The following EYS variants were observed in gnomAD, a reference collection of about 807,000 sequenced individuals.
The protein encoded by EYS is protein eyes shut homolog.
In EYS, 250 loss-of-function variants were observed where a neutral mutation model predicts 282.1. The observed-to-expected ratio is 0.89, with a 90% CI of 0.80 to 0.98. The LOEUF (loss-of-function observed/expected upper bound fraction) is 0.98. EYS is among the 50% of genes least tolerant of loss of function. The pLI, the probability that EYS is intolerant of heterozygous loss-of-function variation, is 0.00. For synonymous variants in EYS, 1,355 were observed against 1,282.9 expected (o/e 1.06, Z -1.20); for missense variants, 4,016 against 3,709.0 (o/e 1.08, Z -2.15).
chr6:65,679,638 TAAC>T lies in EYS; in HGVS notation c.-448+27494_-448+27496del, dbSNP rs1224700147. ...TTTTCTACAATAAAGTATATATAGT[TAAC>T]AACACTGTACTGTATAACTAAAAAA... On this transcript the variant is annotated intron_variant, in intron 1 of 42. Transcript: ENST00000503581. 2.0e-5 allele frequency among the ~76,000 whole-genome samples: 3 copies of T among 152,024 alleles called. No individual in the cohort carries two copies. The East Asian group carries it at 5.8e-4, about 29-fold the overall frequency.
At chr6:64,687,141 A>C (rs1031249871) in intron 22 of EYS, among the ~76,000 whole-genome samples, 1 of 151,806 alleles carries the variant, frequency 6.6e-6, no homozygotes, top group Non-Finnish European at 1.5e-5. Flanking sequence ...CTAATTCTAC[A>C]TAAACTCTCT....
chr6:65,124,928 T>C (rs1435487986), intron 12 of EYS, among the ~76,000 whole-genome samples: 1 of 152,188 alleles, frequency 6.6e-6, no homozygotes, highest in African/African-American at 2.4e-5. Flanking sequence ...GGAGGGTAAA[T>C]TGCCTTTTCT....
At chr6:63,926,806 A>G (rs1416922470) in intron 35 of EYS, among the ~76,000 whole-genome samples, 1 of 152,230 alleles carries the variant, frequency 6.6e-6, no homozygotes, top group Admixed American at 6.5e-5. Context: ...TATTGCTGTC[A>G]TTACTATTAC....
chr6:65,461,758 G>T (rs1204606226), intron 5 of EYS, among the ~76,000 whole-genome samples: 1 of 151,636 alleles, frequency 6.6e-6, no homozygotes, highest in Admixed American at 6.6e-5. Flanking sequence ...ACAATTATTA[G>T]AATAACTAAA....
At chr6:65,104,357 C>A (rs929691387) in intron 12 of EYS, among the ~76,000 whole-genome samples, 12 of 151,364 alleles carry the variant, frequency 7.9e-5, no homozygotes, top group Non-Finnish European at 1.6e-4. Flanking sequence ...CAATTACTGA[C>A]ACATTTTAAT....
chr6:63,974,054 T>G (rs1392073756), intron 35 of EYS, among the ~76,000 whole-genome samples: 1 of 152,150 alleles, frequency 6.6e-6, no homozygotes, highest in African/African-American at 2.4e-5. Flanking sequence ...ACTTGTTTTT[T>G]AAGAATATTG....
At chr6:63,822,985 A>T (rs1420836674) in intron 36 of EYS, among the ~76,000 whole-genome samples, 1 of 152,084 alleles carries the variant, frequency 6.6e-6, no homozygotes, top group East Asian at 1.9e-4. Context: ...ATTTGATTGG[A>T]TGTCTTATTT....
At chr6:64,192,338 A>G (rs1765141021) in intron 31 of EYS, among the ~76,000 whole-genome samples, 1 of 151,912 alleles carries the variant, frequency 6.6e-6, no homozygotes, top group South Asian at 2.1e-4. Context: ...GTTTAATTAG[A>G]TCCCATTTGT....
intron 12 of EYS, among the ~76,000 whole-genome samples, chr6:65,295,017 G>A (rs2150285671): frequency 6.6e-6 from 1 of 151,802 alleles, no homozygotes; most frequent in African/African-American, 2.4e-5. Context: ...TCTTTAAATT[G>A]CTTCCAAAAC....
chr6:65,574,593 A>G (rs937612841), intron 2 of EYS, among the ~76,000 whole-genome samples: 2 of 152,340 alleles, frequency 1.3e-5, no homozygotes, highest in East Asian at 1.9e-4. Flanking sequence ...TTGTAAACAT[A>G]TATAACCAAC....
intron 22 of EYS, among the ~76,000 whole-genome samples, chr6:64,627,890 G>A (rs965542704): frequency 2.6e-5 from 4 of 152,130 alleles, no homozygotes; most frequent in South Asian, 2.1e-4. Context: ...CCATCCTGGC[G>A]AACACGGTGA....
chr6:63,897,716 T>C (rs1773568381), intron 35 of EYS, among the ~76,000 whole-genome samples: 1 of 152,246 alleles, frequency 6.6e-6, no homozygotes, highest in Non-Finnish European at 1.5e-5. Context: ...GTCCTTACTG[T>C]GTTTCTGCAC....
At chr6:64,102,016 A>T (rs1383138099) in intron 31 of EYS, among the ~76,000 whole-genome samples, 1 of 152,000 alleles carries the variant, frequency 6.6e-6, no homozygotes, top group Non-Finnish European at 1.5e-5. Flanking sequence ...AATGAGAGTG[A>T]TGGGGAGTGG....
chr6:65,520,830 T>C (rs894376411), intron 2 of EYS, among the ~76,000 whole-genome samples: 4 of 152,122 alleles, frequency 2.6e-5, no homozygotes, highest in Admixed American at 6.5e-5. Flanking sequence ...ACATAAATCA[T>C]GGATTTTACA....
chr6:64,590,634 C>A lies in EYS; in HGVS notation c.5233G>T (p.Asp1745Tyr). ...FKLHPSDSSL[D>Y]FELNLQIYPD... is the part of the protein sequence containing the mutation. ...TAAATTTGTAAGTTTAACTCAAAAT[C>A]CAGAGAACTATCACTTGGGTGAAGT... Residue 1745 changes from aspartate to tyrosine, a missense_variant, in exon 26 of 43, where the codon GAT becomes TAT. Coordinates refer to ENST00000503581, the MANE Select transcript of EYS (RefSeq NM_001142800.2). The A allele has an allele frequency of 6.4e-7, 1 of 1,551,216 alleles. No homozygotes were observed. Among genetic ancestry groups the A allele is most frequent in the South Asian group, 1.2e-5 (1 of 84,056 alleles).
At chr6:64,918,491 T>C (rs1232737427) in intron 15 of EYS, among the ~76,000 whole-genome samples, 47 of 152,172 alleles carry the variant, frequency 3.1e-4, no homozygotes, top group Admixed American at 2.6e-3. Flanking sequence ...GGGAGTAACA[T>C]TGATTGTTAT....
intron 33 of EYS, among the ~76,000 whole-genome samples, chr6:64,028,859 A>G (rs1769670504): frequency 1.3e-5 from 2 of 152,212 alleles, no homozygotes; most frequent in Non-Finnish European, 2.9e-5. Context: ...TGTCTAGGTC[A>G]AAGGCCCAGC....
At chr6:65,372,883 C>G (rs913528470) in intron 8 of EYS, among the ~76,000 whole-genome samples, 3 of 151,772 alleles carry the variant, frequency 2.0e-5, no homozygotes, top group Non-Finnish European at 4.4e-5. Flanking sequence ...TATTTTCCAG[C>G]CTATTTTATT....
chr6:63,822,699 A>G (rs1296066983), intron 36 of EYS: 1 of 152,240 alleles, frequency 6.6e-6, no homozygotes, highest in Non-Finnish European at 1.5e-5. Context: ...ACCAACAAAA[A>G]TAGATTTGTA....
Sources: gnomAD v4.1 joint callset for allele counts (sites outside exome capture counted in the v4.1 genomes callset) on GRCh38, gnomAD v4.1.1 for gene constraint, MANE v1.5 for transcripts, NCBI Gene and HGNC (gene_info 2026-07-23, HGNC 2026-07-21) for gene names.